Variants in GATA4 observed in about 807,000 individuals in gnomAD.
GATA4 encodes the protein GATA binding protein 4, also known as transcription factor GATA-4.
A neutral mutation model predicts 37.9 loss-of-function variants in GATA4; 7 were observed. The ratio of observed to expected loss-of-function variants is 0.18; its 90% CI spans 0.11 to 0.35. The LOEUF is 0.35. Among genes scored for constraint, GATA4 ranks in the 10% least tolerant of loss-of-function variants. The pLI, the probability that GATA4 is intolerant of heterozygous loss-of-function variation, is 1.00. For synonymous variants in GATA4, 372 were observed against 292.6 expected (o/e 1.27, Z -2.77); for missense variants, 647 against 653.0 (o/e 0.99, Z 0.10).
At chr8:11,755,348 C>G (rs1381989065) in intron 5 of GATA4, among the ~76,000 whole-genome samples, 1 of 152,192 alleles carries the variant, frequency 6.6e-6, no homozygotes. Flanking sequence ...AGGCTCAACT[C>G]AAGCTGGGGC....
At chr8:11,735,102 T>G (rs1801392915) in intron 2 of GATA4, among the ~76,000 whole-genome samples, 1 of 151,996 alleles carries the variant, frequency 6.6e-6, no homozygotes, top group Admixed American at 6.6e-5. Flanking sequence ...CTACTGTATC[T>G]GCAATGTTGT....
intron 2 of GATA4, among the ~76,000 whole-genome samples, chr8:11,715,289 G>C (rs1800388086): frequency 1.3e-5 from 2 of 152,078 alleles, no homozygotes. Context: ...GGTAGGTGAG[G>C]GATAATGGTA....
intron 1 of GATA4, chr8:11,681,165 G>A (rs1798958643): frequency 2.0e-6 from 2 of 985,432 alleles, no homozygotes; most frequent in Non-Finnish European, 1.2e-6. Context: ...TCTGTTCGCA[G>A]AACCTTCGGG....
intron 2 of GATA4, among the ~76,000 whole-genome samples, chr8:11,711,109 A>C (rs139484027): frequency 6.6e-6 from 1 of 152,326 alleles, no homozygotes; most frequent in Non-Finnish European, 1.5e-5. Context: ...TCTCAAAACA[A>C]ACAAACAAAA....
rs78056258 is a variant in GATA4 at position 11,729,724 on chromosome 8, C to T, written c.617-19192C>T. ...AATTATCATGATGCAAAATTGTGTTCGCTGAAAAGCAGGGGTTAAGTCCGC... is the reference window on the plus strand; with the variant it reads ...AATTATCATGATGCAAAATTGTGTTTGCTGAAAAGCAGGGGTTAAGTCCGC... On this transcript the variant is annotated intron_variant, in intron 2 of 6. Transcript: ENST00000532059. Among the ~76,000 whole-genome samples the T allele has an allele frequency of 6.5e-3, 982 of 152,226 alleles. 12 individuals are homozygous for T. The highest frequency in any genetic ancestry group is 0.022 in the African/African-American group (894 of 41,546).
intron 1 of GATA4, among the ~76,000 whole-genome samples, chr8:11,695,797 G>A (rs1799491219): frequency 6.6e-6 from 1 of 152,168 alleles, no homozygotes; most frequent in Non-Finnish European, 1.5e-5. Flanking sequence ...CCAAAAACAT[G>A]AGTGCACCGG....
At chr8:11,750,326 A>G in intron 4 of GATA4, 90 bp downstream of exon 4, 1 of 1,554,456 alleles carries the variant, frequency 6.4e-7, no homozygotes, top group Non-Finnish European at 8.8e-7. Context: ...ACTAGCATTC[A>G]TTTTTCCTTC....
intron 1 of GATA4, among the ~76,000 whole-genome samples, chr8:11,679,997 A>C (rs1798902780): frequency 6.6e-6 from 1 of 152,226 alleles, no homozygotes; most frequent in African/African-American, 2.4e-5. Context: ...AGAAAGAAAG[A>C]TTGGGAGAAG....
intron 2 of GATA4, among the ~76,000 whole-genome samples, chr8:11,746,454 T>G (rs1203031549): frequency 6.6e-6 from 1 of 152,206 alleles, no homozygotes; most frequent in African/African-American, 2.4e-5. Flanking sequence ...AAGGCCTCTA[T>G]GTCCAAGTGC....
intron 2 of GATA4, among the ~76,000 whole-genome samples, chr8:11,735,677 T>C (rs1019081763): frequency 2.0e-5 from 3 of 152,182 alleles, no homozygotes; most frequent in Non-Finnish European, 4.4e-5. Context: ...ATTCTTCTGC[T>C]TCAGCCTCCC....
chr8:11,749,224 C>T lies in GATA4; in HGVS notation c.786+139C>T. 1.2e-6 allele frequency: 1 copy of T among 850,064 alleles called. No homozygotes were observed. The highest frequency in any genetic ancestry group is 1.9e-6 in the Non-Finnish European group (1 of 532,362). The allele number at this position is 850,064 out of a possible 1,614,324, so 52.7% of individuals were successfully genotyped here. On this transcript the variant is annotated intron_variant, in intron 3 of 6. Coordinates refer to ENST00000532059, the MANE Select transcript of GATA4 (RefSeq NM_001308093.3). The surrounding 1 kb of genome is among the most constrained non-coding windows in gnomAD (Gnocchi z 4.6). ...TGGGTGAGAGCCCCATAATAATTCT[C>T]ACAACTTTAGAGTTAGCTGGAGCCA...
chr8:11,741,394 G>T lies in GATA4; in HGVS notation c.617-7522G>T, dbSNP rs151114044. ...CTCAGGAGGTTCAGGCAGGAGGATC[G>T]CCTGGGGCCGCGAAGTCAAGGCTGC... On this transcript the variant is annotated intron_variant, in intron 2 of 6. Coordinates refer to ENST00000532059, the MANE Select transcript of GATA4 (RefSeq NM_001308093.3). Among the ~76,000 whole-genome samples the T allele has an allele frequency of 5.2e-3, 790 of 152,162 alleles. 7 individuals carry two copies. The highest frequency in any genetic ancestry group is 8.8e-3 in the Non-Finnish European group (600 of 67,996).
At chr8:11,699,710 C>G (rs1048950637), upstream of GATA4, among the ~76,000 whole-genome samples, 1 of 152,274 alleles carries the variant, frequency 6.6e-6, no homozygotes, top group Non-Finnish European at 1.5e-5. Context: ...CTCAGCTACG[C>G]TGGACCTGAA....
chr8:11,712,819 C>G (rs1800256113), intron 2 of GATA4, among the ~76,000 whole-genome samples: 1 of 152,068 alleles, frequency 6.6e-6, no homozygotes, highest in Admixed American at 6.5e-5. Context: ...CGTGATTGCA[C>G]CACTGTACTC....
chr8:11,724,723 T>G (rs1330114949), intron 2 of GATA4, among the ~76,000 whole-genome samples: 1 of 151,880 alleles, frequency 6.6e-6, no homozygotes, highest in East Asian at 1.9e-4. Context: ...CAAAGAAGTG[T>G]GTGTGTGTGT....
At chr8:11,753,359 G>T (rs1288333940) in intron 4 of GATA4, among the ~76,000 whole-genome samples, 1 of 152,136 alleles carries the variant, frequency 6.6e-6, no homozygotes, top group Non-Finnish European at 1.5e-5. Context: ...TTTGAGTTTT[G>T]CAAGACGAGA....
chr8:11,687,701 A>C (rs932346953), upstream of GATA4, among the ~76,000 whole-genome samples: 1 of 152,224 alleles, frequency 6.6e-6, no homozygotes, highest in African/African-American at 2.4e-5. Context: ...CTAACTACCA[A>C]GTGCTGCCTC....
At chr8:11,743,228 A>G (rs1478845334) in intron 2 of GATA4, among the ~76,000 whole-genome samples, 1 of 152,248 alleles carries the variant, frequency 6.6e-6, no homozygotes, top group African/African-American at 2.4e-5. Flanking sequence ...CCCCAGCTAG[A>G]CCAAAACAAC....
At chr8:11,727,572 G>T (rs1314095070) in intron 2 of GATA4, among the ~76,000 whole-genome samples, 1 of 152,058 alleles carries the variant, frequency 6.6e-6, no homozygotes, top group Non-Finnish European at 1.5e-5. Flanking sequence ...CCTGGGTGCG[G>T]TGGCTCACAC....
Sources: gnomAD v4.1 joint callset for allele counts (sites outside exome capture counted in the v4.1 genomes callset) on GRCh38, gnomAD v4.1.1 for gene constraint, Gnocchi (gnomAD v3.1) non-coding constraint, MANE v1.5 for transcripts, NCBI Gene and HGNC (gene_info 2026-07-23, HGNC 2026-07-21) for gene names.